Variants in UBE2E1 observed in about 807,000 individuals in gnomAD.
UBE2E1 encodes ubiquitin-conjugating enzyme E2 E1.
Under a neutral mutation model 21.4 loss-of-function variants are expected in UBE2E1, and 6 were observed. That is an observed-to-expected ratio of 0.28 (90% CI 0.15 to 0.55). UBE2E1 has a LOEUF of 0.55. UBE2E1 is among the 20% of genes least tolerant of loss of function. The pLI, the probability that UBE2E1 is intolerant of heterozygous loss-of-function variation, is 0.93. For missense variants in UBE2E1, 142 were observed against 236.5 expected, an observed-to-expected ratio of 0.60 and a Z score of 2.62; for synonymous variants, 87 against 82.7, an observed-to-expected ratio of 1.05 and a Z score of -0.28.
intron 3 of UBE2E1, among the ~76,000 whole-genome samples, chr3:23,841,238 A>G (rs1224653804): frequency 6.6e-6 from 1 of 152,240 alleles, no homozygotes; most frequent in Non-Finnish European, 1.5e-5. Flanking sequence ...CTATGTTTCA[A>G]TTTTATCTGC....
At chr3:23,824,732 C>G (rs1350539729) in intron 3 of UBE2E1, among the ~76,000 whole-genome samples, 1 of 152,166 alleles carries the variant, frequency 6.6e-6, no homozygotes, top group East Asian at 1.9e-4. Flanking sequence ...TTGCATTTTC[C>G]TTTCTGGTTG....
chr3:23,850,657 C>G (rs1008974491), intron 3 of UBE2E1, among the ~76,000 whole-genome samples: 1 of 150,798 alleles, frequency 6.6e-6, no homozygotes, highest in Non-Finnish European at 1.5e-5. Context: ...CATGCATGCA[C>G]CACTGCATCC....
rs1463430398 is a variant in UBE2E1, at chr3:23,836,002, A to G, written c.203+24492A>G. On this transcript the variant is annotated intron_variant, in intron 3 of 5. Coordinates refer to ENST00000306627, the MANE Select transcript of UBE2E1 (RefSeq NM_003341.5). The surrounding 1 kb of genome is among the most constrained non-coding windows in gnomAD (Gnocchi z 4.1). ...CTTCTTTTCAGCTGCTGCTTTTATG[A>G]TCTAGTTTATGGCACAGATAAGATA... 1.3e-5 allele frequency among the ~76,000 whole-genome samples: 2 copies of G among 152,150 alleles called. No homozygotes were observed. The highest frequency in any genetic ancestry group is 2.4e-5 in the African/African-American group (1 of 41,436).
At chr3:23,830,690 T>A (rs1048012836) in intron 3 of UBE2E1, among the ~76,000 whole-genome samples, 3 of 152,204 alleles carry the variant, frequency 2.0e-5, no homozygotes, top group African/African-American at 7.2e-5. Context: ...GTGGAAACTG[T>A]CCCTGTTTAA....
chr3:23,831,815 G>T (rs1699872539), intron 3 of UBE2E1, among the ~76,000 whole-genome samples: 1 of 151,836 alleles, frequency 6.6e-6, no homozygotes, highest in Non-Finnish European at 1.5e-5. Flanking sequence ...TCCTGCCTCA[G>T]CCTCCCAAAT....
chr3:23,813,035 G>A (rs769143868), intron 3 of UBE2E1, among the ~76,000 whole-genome samples: 1 of 150,652 alleles, frequency 6.6e-6, no homozygotes, highest in Non-Finnish European at 1.5e-5. Flanking sequence ...GTTTCACATC[G>A]TTTTAACTGA....
At chr3:23,877,307 G>A (rs1281104057) in intron 3 of UBE2E1, among the ~76,000 whole-genome samples, 1 of 151,980 alleles carries the variant, frequency 6.6e-6, no homozygotes, top group Non-Finnish European at 1.5e-5. Context: ...GGTGTACCAG[G>A]CACAGAAAAA....
At chr3:23,844,569 G>A (rs1325399342) in intron 3 of UBE2E1, among the ~76,000 whole-genome samples, 2 of 152,166 alleles carry the variant, frequency 1.3e-5, no homozygotes, top group Admixed American at 1.3e-4. Context: ...AGAACTGCAA[G>A]GGGATCATAG....
intron 3 of UBE2E1, among the ~76,000 whole-genome samples, chr3:23,882,927 T>A (rs1176653856): frequency 1.3e-5 from 2 of 151,990 alleles, no homozygotes; most frequent in Non-Finnish European, 2.9e-5. Context: ...CCTCCACACC[T>A]CCCTGCAAAC....
rs1196673693 is a variant in UBE2E1 at position 23,842,643 on chromosome 3, C to T, written c.203+31133C>T. Among the ~76,000 whole-genome samples the T allele has an allele frequency of 6.6e-6, 1 of 152,194 alleles. No homozygotes were observed. Among genetic ancestry groups the T allele is most frequent in the Non-Finnish European group, 1.5e-5 (1 of 68,038 alleles). ...GGAGTCTCATACCTCTGTGTCAACA[C>T]TGAACAGCATTTTTTGTGACGTAAA... On this transcript the variant is annotated intron_variant, in intron 3 of 5. Coordinates refer to ENST00000306627, the MANE Select transcript of UBE2E1 (RefSeq NM_003341.5). This position sits in a 1 kb window ranked among gnomAD's most constrained non-coding sequence, Gnocchi z 4.6.
At chr3:23,889,855 A>G (rs780358026) in intron 5 of UBE2E1, 376 of 680,922 alleles carry the variant, frequency 5.5e-4, no homozygotes, top group Non-Finnish European at 6.6e-4. Context: ...ATGTCACTGC[A>G]CTGCATTCCA....
chr3:23,866,799 A>T (rs1014214577), intron 3 of UBE2E1, among the ~76,000 whole-genome samples: 45 of 152,356 alleles, frequency 3.0e-4, no homozygotes, highest in African/African-American at 1.1e-3. Context: ...CTTTTGGCAG[A>T]TCACAAGATT....
At chr3:23,846,831 T>C (rs1313616037) in intron 3 of UBE2E1, among the ~76,000 whole-genome samples, 1 of 152,204 alleles carries the variant, frequency 6.6e-6, no homozygotes, top group Non-Finnish European at 1.5e-5. Flanking sequence ...AACAGTCTTT[T>C]TAACTGCCTA....
Position 23,806,514 on chromosome 3 carries a change from C to G in UBE2E1, c.-34+426C>G, listed in dbSNP as rs1238193626. On this transcript the variant is annotated intron_variant, in intron 1 of 5. Coordinates refer to ENST00000306627, the MANE Select transcript of UBE2E1 (RefSeq NM_003341.5). The surrounding 1 kb of genome is among the most constrained non-coding windows in gnomAD (Gnocchi z 6.5). ...GTCTTCGCTGCGGAGGCCGACCCCCCCATTCCCCGCCGCAGCCCCTATCCC... is the reference window on the plus strand; with the variant it reads ...GTCTTCGCTGCGGAGGCCGACCCCCGCATTCCCCGCCGCAGCCCCTATCCC... 1.3e-5 allele frequency among the ~76,000 whole-genome samples: 2 copies of G among 151,852 alleles called. No homozygotes were observed. Among genetic ancestry groups the G allele is most frequent in the South Asian group, 2.1e-4 (1 of 4,830 alleles).
chr3:23,818,880 C>G (rs1038518855), intron 3 of UBE2E1, among the ~76,000 whole-genome samples: 5 of 152,098 alleles, frequency 3.3e-5, no homozygotes, highest in African/African-American at 1.2e-4. Flanking sequence ...TTGCAAAAGT[C>G]CCTAGAGGGA....
rs147451352 is a variant in UBE2E1, at chr3:23,840,940, A to G, written c.203+29430A>G. Among the ~76,000 whole-genome samples, 573 of 152,190 alleles carry G rather than the reference A, an allele frequency of 3.8e-3. 7 individuals are homozygous for G. The highest frequency in any genetic ancestry group is 2.9e-3 in the Non-Finnish European group (196 of 68,012). ...CAGTGTATGGAAACTGCTGTTTTATATATTTTGTCAGTTTTTTTGTTGTTT... is the reference window on the plus strand; with the variant it reads ...CAGTGTATGGAAACTGCTGTTTTATGTATTTTGTCAGTTTTTTTGTTGTTT... On this transcript the variant is annotated intron_variant, in intron 3 of 5. Transcript: ENST00000306627.
intron 3 of UBE2E1, among the ~76,000 whole-genome samples, chr3:23,827,975 T>C (rs1421363142): frequency 6.6e-6 from 1 of 152,116 alleles, no homozygotes; most frequent in Non-Finnish European, 1.5e-5. Flanking sequence ...TCCCAGCTTC[T>C]TTGCTTTTTA....
Position 23,890,620 on chromosome 3 carries a change from A to G in UBE2E1, c.*14A>G. The stretch of plus-strand genomic sequence containing the variant: ...TACGCTACATAAATTGGGGTTTCAC[A>G]ATTCTTACATTATTTGTCTGTCACA... On this transcript the variant is annotated 3_prime_UTR_variant, in exon 6 of 6. Transcript: ENST00000306627. 6.2e-7 allele frequency: 1 copy of G among 1,611,390 alleles called. No homozygotes were observed. Among genetic ancestry groups the G allele is most frequent in the South Asian group, 1.1e-5 (1 of 90,616 alleles).
chr3:23,851,758 G>C (rs921774101), intron 3 of UBE2E1, among the ~76,000 whole-genome samples: 1 of 152,094 alleles, frequency 6.6e-6, no homozygotes, highest in Non-Finnish European at 1.5e-5. Context: ...TTGCACCACT[G>C]CACTTCAGCC....
Sources: allele counts gnomAD v4.1 joint callset (sites outside exome capture counted in the v4.1 genomes callset), GRCh38; gene constraint gnomAD v4.1.1; non-coding constraint Gnocchi (gnomAD v3.1); transcripts MANE v1.5; gene names NCBI Gene and HGNC (gene_info 2026-07-23, HGNC 2026-07-21).